PALD1: variants seen among roughly 807,000 people sequenced by gnomAD.
The protein encoded by PALD1 is phosphatase domain containing paladin 1.
A neutral mutation model predicts 96.0 loss-of-function variants in PALD1; 57 were observed. The observed-to-expected ratio is 0.59, with a 90% CI of 0.48 to 0.74. The LOEUF (loss-of-function observed/expected upper bound fraction) is 0.74. Ranked by LOEUF, PALD1 falls within the 30% of genes least tolerant of loss-of-function variation. PALD1 has a pLI of 0.00. For missense variants in PALD1, 1,063 were observed against 1,143.7 expected (o/e 0.93, Z 1.02); for synonymous variants, 464 against 473.6 (o/e 0.98, Z 0.26).
the PALD1 span, among the ~76,000 whole-genome samples, chr10:70,468,702 CTGTGTGTGTGTGTGTGTGTG>C: frequency 0.018 from 2,190 of 123,874 alleles, 23 homozygotes; most frequent in Non-Finnish European, 0.025. Context: ...TGAGGCAGGA[CTGTGTGTGTGTGTGTGTGTG>C]TGTGTGTGTG....
Position 70,531,449 on chromosome 10 carries a change from A to G in PALD1, c.628A>G (p.Lys210Glu). The change falls in exon 5 of 20, where the codon AAA becomes GAA. Residue 210 changes from lysine to glutamate, a missense_variant. Transcript: ENST00000263563. ...RVESLELAIR[K>E]EIHDFAQLSE... ...GGAGAGCCTGGAGCTGGCCATCCGGAAAGAGGTGAGGACCAGTGCGGTGTG... is the reference window on the plus strand; with the variant it reads ...GGAGAGCCTGGAGCTGGCCATCCGGGAAGAGGTGAGGACCAGTGCGGTGTG... The G allele has an allele frequency of 6.2e-7, 1 of 1,613,240 alleles. No homozygotes were observed. Among genetic ancestry groups the G allele is most frequent in the African/African-American group, 1.3e-5 (1 of 74,964 alleles).
At chr10:70,563,440 TC>T (rs1264713851) in intron 18 of PALD1, among the ~76,000 whole-genome samples, 1 of 152,214 alleles carries the variant, frequency 6.6e-6, no homozygotes, top group African/African-American at 2.4e-5. Context: ...GCTGTCCCTC[TC>T]CGCCCCAGCA....
chr10:70,497,107 G>A (rs893325081), intron 1 of PALD1, among the ~76,000 whole-genome samples: 1 of 152,228 alleles, frequency 6.6e-6, no homozygotes, highest in Non-Finnish European at 1.5e-5. Flanking sequence ...CAGAGCGAGT[G>A]GCCAGACTGC....
At chr10:70,465,845 C>T in the PALD1 span, among the ~76,000 whole-genome samples, 1 of 152,190 alleles carries the variant, frequency 6.6e-6, no homozygotes, top group Admixed American at 6.5e-5. Flanking sequence ...CTGCTTTGAA[C>T]CCCTGCCAGG....
At chr10:70,488,398 G>A (rs1212087093) in intron 1 of PALD1, among the ~76,000 whole-genome samples, 1 of 152,218 alleles carries the variant, frequency 6.6e-6, no homozygotes, top group Non-Finnish European at 1.5e-5. Flanking sequence ...TGGGATTACA[G>A]GCGTAAGCCA....
chr10:70,506,350 A>G (rs1846392479), intron 1 of PALD1, among the ~76,000 whole-genome samples: 1 of 152,112 alleles, frequency 6.6e-6, no homozygotes, highest in Non-Finnish European at 1.5e-5. Context: ...ATGTCATTCC[A>G]GTGAAAGGCA....
chr10:70,560,809 C>T (rs1027205258), intron 18 of PALD1, among the ~76,000 whole-genome samples: 2 of 152,202 alleles, frequency 1.3e-5, no homozygotes, highest in South Asian at 2.1e-4. Context: ...AGGGCTCAGT[C>T]CAATGGATGA....
At chr10:70,505,641 A>G (rs973492333) in intron 1 of PALD1, among the ~76,000 whole-genome samples, 7 of 137,368 alleles carry the variant, frequency 5.1e-5, no homozygotes, top group Non-Finnish European at 4.8e-5. Flanking sequence ...AAACAAAACA[A>G]AACAAAAAAA....
intron 10 of PALD1, 115 bp downstream of exon 10, chr10:70,534,958 C>G: frequency 2.7e-6 from 2 of 729,008 alleles, no homozygotes; most frequent in South Asian, 1.6e-5. Context: ...TGCTGCGTCT[C>G]CCATGAGAAG....
At chr10:70,525,892 C>G (rs1846849075) in intron 1 of PALD1, 31 bp from the exon 2 acceptor site, 1 of 1,581,342 alleles carries the variant, frequency 6.3e-7, no homozygotes, top group African/African-American at 1.3e-5. Flanking sequence ...TTCCCATCCC[C>G]TCCTTCACTG....
intron 17 of PALD1, among the ~76,000 whole-genome samples, chr10:70,546,520 T>C (rs937085519): frequency 2.0e-5 from 3 of 152,234 alleles, no homozygotes; most frequent in African/African-American, 7.2e-5. Context: ...CCCGTTTTCC[T>C]AGTAACTCTA....
rs866381679 is a variant in PALD1 at position 70,517,049 on chromosome 10, C to T, written c.-29-8874C>T. ...AGTGTCCCCCAAACACCTAGAATCACCTTACCTTTATTGGCCAGGCCCTTT... is the reference window on the plus strand; with the variant it reads ...AGTGTCCCCCAAACACCTAGAATCATCTTACCTTTATTGGCCAGGCCCTTT... On this transcript the variant is annotated intron_variant, in intron 1 of 19. Coordinates refer to ENST00000263563, the MANE Select transcript of PALD1 (RefSeq NM_014431.3). 4.6e-5 allele frequency among the ~76,000 whole-genome samples: 7 copies of T among 152,160 alleles called. No individual in the cohort carries two copies. The South Asian group carries it at 1.4e-3, about 32-fold the overall frequency.
intron 2 of PALD1, among the ~76,000 whole-genome samples, chr10:70,527,551 C>A (rs1223706421): frequency 6.6e-6 from 1 of 152,198 alleles, no homozygotes; most frequent in Non-Finnish European, 1.5e-5. Context: ...GTAGTTGCAA[C>A]AGGCGCTGTA....
At position 70,538,372 on chromosome 10, in the gene PALD1, T is replaced by G. The variant is rs61741539; in HGVS notation, c.1416T>G (p.Pro472=). 1.4e-3 allele frequency: 2,257 copies of G among 1,611,434 alleles called. 35 individuals carry two copies. The African/African-American group carries it at 0.027, about 19-fold the overall frequency. Residue 472 remains proline (P), a synonymous_variant, in exon 12 of 20, where the codon CCT becomes CCG. Coordinates refer to ENST00000263563, the MANE Select transcript of PALD1 (RefSeq NM_014431.3). ...RLPVTLSSAG[P]VAPRDLIARG... ...CCGTGACGCTGAGCTCAGCAGGCCC[T>G]GTGGCTCCGAGGGACCTCATCGCCA...
At chr10:70,509,150 A>G (rs968570288) in intron 1 of PALD1, among the ~76,000 whole-genome samples, 1 of 151,142 alleles carries the variant, frequency 6.6e-6, no homozygotes, top group Admixed American at 6.6e-5. Context: ...CGGAAGGGGT[A>G]CTCTCCCCCT....
At chr10:70,520,972 G>C (rs1257848465) in intron 1 of PALD1, among the ~76,000 whole-genome samples, 1 of 152,132 alleles carries the variant, frequency 6.6e-6, no homozygotes, top group African/African-American at 2.4e-5. Context: ...GATTACAGGC[G>C]TGAGCCACCG....
In PALD1 at chr10:70,537,890, A is replaced by G. The variant is rs1180166099; in HGVS notation, c.1307A>G (p.Tyr436Cys). 6.2e-7 allele frequency: 1 copy of G among 1,611,624 alleles called. No homozygotes were observed. The highest frequency in any genetic ancestry group is 8.5e-7 in the Non-Finnish European group (1 of 1,177,838). ...TACTTCTACCTGATCCTGTTTAACTACTACCTTCATGAGCAGGTGGGGCCT... is the reference window on the plus strand; with the variant it reads ...TACTTCTACCTGATCCTGTTTAACTGCTACCTTCATGAGCAGGTGGGGCCT... ...ERYFYLILFN[Y>C]YLHEQYPLAF... The change falls in exon 11 of 20, where the codon TAC becomes TGC. Residue 436 changes from tyrosine (Y) to cysteine (C), a missense_variant. Coordinates refer to ENST00000263563, the MANE Select transcript of PALD1 (RefSeq NM_014431.3).
intron 1 of PALD1, among the ~76,000 whole-genome samples, chr10:70,513,335 A>G: frequency 6.6e-6 from 1 of 150,970 alleles, no homozygotes; most frequent in Admixed American, 6.6e-5. Flanking sequence ...TCTCTGCAAA[A>G]AAAATAAATA....
intron 18 of PALD1, among the ~76,000 whole-genome samples, chr10:70,562,178 G>A (rs1454433271): frequency 1.3e-5 from 2 of 152,200 alleles, no homozygotes; most frequent in African/African-American, 4.8e-5. Context: ...CAGCTCATGG[G>A]ACTCATGTCT....
Sources: gnomAD v4.1 joint callset for allele counts (sites outside exome capture counted in the v4.1 genomes callset) on GRCh38, gnomAD v4.1.1 for gene constraint, MANE v1.5 for transcripts, NCBI Gene and HGNC (gene_info 2026-07-23, HGNC 2026-07-21) for gene names.